The following RPS6KA2 variants were observed in gnomAD, a reference collection of about 807,000 sequenced individuals.
RPS6KA2 encodes the protein ribosomal protein S6 kinase alpha-2.
Under a neutral mutation model 91.8 loss-of-function variants are expected in RPS6KA2, and 42 were observed. That is an observed-to-expected ratio of 0.46 (90% confidence interval 0.36 to 0.59). The LOEUF (loss-of-function observed/expected upper bound fraction) is 0.59. Among genes scored for constraint, RPS6KA2 ranks in the 20% least tolerant of loss-of-function variants. RPS6KA2 has a pLI of 0.00. For synonymous variants in RPS6KA2, 414 were observed against 393.6 expected (o/e 1.05, Z -0.61); for missense variants, 798 against 978.5 (o/e 0.82, Z 2.46).
chr6:166,484,930 T>A (rs1375848914), intron 10 of RPS6KA2, among the ~76,000 whole-genome samples: 1 of 152,234 alleles, frequency 6.6e-6, no homozygotes, highest in African/African-American at 2.4e-5. Flanking sequence ...TCACGAGAAT[T>A]CAAGTCAGAT....
intron 2 of RPS6KA2, among the ~76,000 whole-genome samples, chr6:166,659,744 G>GT (rs1431154987): frequency 6.6e-6 from 1 of 152,142 alleles, no homozygotes; most frequent in Non-Finnish European, 1.5e-5. Context: ...GTGGCTTGAC[G>GT]TCCTTTGCCC....
At chr6:166,839,836 A>G (rs956497371) in intron 2 of RPS6KA2, among the ~76,000 whole-genome samples, 66 of 150,658 alleles carry the variant, frequency 4.4e-4, no homozygotes, top group African/African-American at 1.5e-3. Flanking sequence ...TGATGCCTGG[A>G]TTTCAGCCCA....
rs566735350 is a variant in RPS6KA2 at position 166,790,652 on chromosome 6, A to G, written c.123+67548T>C. On this transcript the variant is annotated intron_variant, in intron 2 of 21. Transcript: ENST00000503859. ...CCCACAAAGGGAAGCCCATCATACT[A>G]ACAGCGGATCTCTCGGCAGAAACTC... Among the ~76,000 whole-genome samples, 8 of 152,348 alleles carry G rather than the reference A, an allele frequency of 5.3e-5. No homozygotes were observed. In the East Asian group the frequency reaches 1.5e-3, roughly 29 times the overall value.
rs1467538404 is a variant in RPS6KA2, at chr6:166,811,198, A to G, written c.123+47002T>C. On this transcript the variant is annotated intron_variant, in intron 2 of 21. Coordinates refer to the RPS6KA2 transcript ENST00000503859. The stretch of plus-strand genomic sequence containing the variant: ...ATCATATTTTTATACCTTTAATTAC[A>G]TTTGCTTATCTCAGCACCCACTCGC... Among the ~76,000 whole-genome samples the G allele has an allele frequency of 2.0e-5, 3 of 152,280 alleles. No homozygotes were observed. The East Asian group carries it at 5.8e-4, about 29-fold the overall frequency.
At chr6:166,650,206 C>T (rs187344705) in intron 2 of RPS6KA2, among the ~76,000 whole-genome samples, 1 of 151,948 alleles carries the variant, frequency 6.6e-6, no homozygotes, top group East Asian at 1.9e-4. Context: ...GCCAGAGCCC[C>T]TCTCTACTGC....
rs1782319121 is a variant in RPS6KA2, at chr6:166,508,080, C to A, written c.459+123G>T. 1.5e-6 allele frequency: 1 copy of A among 645,984 alleles called. No homozygotes were observed. Among genetic ancestry groups the A allele is most frequent in the East Asian group, 2.7e-5 (1 of 36,658 alleles). The allele number at this position is 645,984 out of a possible 1,614,324, so 40.0% of individuals were successfully genotyped here. A position where few individuals can be genotyped will look rare whatever the true frequency, so the allele number is the denominator to read the frequency against. On this transcript the variant is annotated intron_variant, in intron 5 of 20. Coordinates refer to ENST00000265678, the MANE Select transcript of RPS6KA2 (RefSeq NM_021135.6). The surrounding 1 kb of genome is among the most constrained non-coding windows in gnomAD (Gnocchi z 4.3). ...GCACACACTCACACATGCACACACC[C>A]CCACACACACACACGCACTCTCGCA...
chr6:166,448,815 C>T lies in RPS6KA2; in HGVS notation c.1241G>A (p.Gly414Asp). The part of the protein sequence containing the change: ...LHGNNIHFTD[G>D]YEIKEDIGVG... ...CCCGATGTCCTCCTTGATCTCGTAG[C>T]CATCGGTGAAGTGGATGTTGTTCCC... The change falls in exon 14 of 21, where the codon GGC (glycine) becomes GAC (aspartate). Residue 414 changes from glycine (G) to aspartate (D), a missense_variant. Coordinates refer to ENST00000265678, the MANE Select transcript of RPS6KA2 (RefSeq NM_021135.6). The surrounding 1 kb of genome is among the most constrained non-coding windows in gnomAD (Gnocchi z 4.7). 6.2e-7 allele frequency: 1 copy of T among 1,613,844 alleles called. No individual in the cohort carries two copies. Among genetic ancestry groups the T allele is most frequent in the South Asian group, 1.1e-5 (1 of 91,070 alleles).
At chr6:166,717,102 C>T (rs866686390) in intron 2 of RPS6KA2, among the ~76,000 whole-genome samples, 18 of 152,092 alleles carry the variant, frequency 1.2e-4, no homozygotes, top group Non-Finnish European at 2.2e-4. Context: ...GTGGAGGCCA[C>T]GCGCTCACCT....
At position 166,510,416 on chromosome 6, in the gene RPS6KA2, C is replaced by G. The variant is rs545854663; in HGVS notation, c.299-59G>C. The G allele has an allele frequency of 3.2e-5, 36 of 1,135,026 alleles. No homozygotes were observed. In the South Asian group the frequency reaches 5.2e-4, roughly 16 times the overall value. The allele number at this position is 1,135,026 out of a possible 1,614,324, so 70.3% of individuals were successfully genotyped here. On this transcript the variant is annotated intron_variant, in intron 3 of 20. Coordinates refer to ENST00000265678, the MANE Select transcript of RPS6KA2 (RefSeq NM_021135.6). Reference sequence around the variant, plus strand: ...CAGGAAATAAGAGTTCTGAGGAACACTGAACATGAAATACTAGATATAATT... The same window carrying G: ...CAGGAAATAAGAGTTCTGAGGAACAGTGAACATGAAATACTAGATATAATT...
At chr6:166,607,546 C>A (rs920623096) in intron 1 of RPS6KA2, among the ~76,000 whole-genome samples, 1 of 152,204 alleles carries the variant, frequency 6.6e-6, no homozygotes, top group African/African-American at 2.4e-5. Flanking sequence ...TGTATGATTC[C>A]GTTTATATGA....
At chr6:166,616,577 A>G (rs908604972) in intron 1 of RPS6KA2, among the ~76,000 whole-genome samples, 1 of 152,196 alleles carries the variant, frequency 6.6e-6, no homozygotes, top group African/African-American at 2.4e-5. Context: ...AGAGAGGGAG[A>G]TGAACATGCA....
intron 2 of RPS6KA2, among the ~76,000 whole-genome samples, chr6:166,780,484 G>A (rs551435308): frequency 2.0e-5 from 3 of 152,112 alleles, no homozygotes; most frequent in Non-Finnish European, 2.9e-5. Context: ...TTCTGGCCTC[G>A]GGACTGTGAG....
At chr6:166,644,034 G>A (rs1787529517) in intron 2 of RPS6KA2, among the ~76,000 whole-genome samples, 2 of 152,188 alleles carry the variant, frequency 1.3e-5, no homozygotes, top group African/African-American at 4.8e-5. Context: ...GCAGCCAGAT[G>A]GCCACTACTG....
chr6:166,709,787 C>T (rs1200693697), intron 2 of RPS6KA2, among the ~76,000 whole-genome samples: 2 of 152,186 alleles, frequency 1.3e-5, no homozygotes, highest in African/African-American at 4.8e-5. Context: ...ACCAGGACAG[C>T]TTTAACTACC....
intron 2 of RPS6KA2, among the ~76,000 whole-genome samples, chr6:166,750,413 C>T (rs1406751360): frequency 6.6e-6 from 1 of 152,120 alleles, no homozygotes; most frequent in Non-Finnish European, 1.5e-5. Context: ...CACACAGTCT[C>T]CCTCAGCCCC....
chr6:166,857,106 A>G (rs891120459), intron 2 of RPS6KA2, among the ~76,000 whole-genome samples: 6 of 152,198 alleles, frequency 3.9e-5, no homozygotes, highest in Admixed American at 2.6e-4. Flanking sequence ...AGATCCAGCG[A>G]CACTTGGCTT....
At chr6:166,573,544 GAAT>G (rs1316060280) in intron 1 of RPS6KA2, among the ~76,000 whole-genome samples, 1 of 152,272 alleles carries the variant, frequency 6.6e-6, no homozygotes, top group African/African-American at 2.4e-5. Context: ...CCTCCCTGCA[GAAT>G]GTGCCCCTGG....
intron 2 of RPS6KA2, among the ~76,000 whole-genome samples, chr6:166,758,455 A>G (rs1169863785): frequency 2.6e-5 from 4 of 152,214 alleles, no homozygotes; most frequent in Non-Finnish European, 5.9e-5. Flanking sequence ...TTCACTTGCC[A>G]TGGAGCCCTG....
chr6:166,478,727 C>G (rs1301776579), intron 10 of RPS6KA2, among the ~76,000 whole-genome samples: 2 of 152,188 alleles, frequency 1.3e-5, no homozygotes, highest in Non-Finnish European at 2.9e-5. Flanking sequence ...AGCAATGAGG[C>G]CGGGGGGTTG....
Sources: allele counts gnomAD v4.1 joint callset (sites outside exome capture counted in the v4.1 genomes callset), GRCh38; gene constraint gnomAD v4.1.1; non-coding constraint Gnocchi (gnomAD v3.1); transcripts MANE v1.5; gene names NCBI Gene and HGNC (gene_info 2026-07-23, HGNC 2026-07-21).